ADARB2: variants seen among roughly 807,000 people sequenced by gnomAD.
ADARB2 encodes the protein inactive double-stranded RNA-specific editase B2.
Under a neutral mutation model 62.2 loss-of-function variants are expected in ADARB2, and 25 were observed. That is an observed-to-expected ratio of 0.40 (90% CI 0.29 to 0.56). The LOEUF (loss-of-function observed/expected upper bound fraction) is 0.56. Ranked by LOEUF, ADARB2 falls within the 20% of genes least tolerant of loss-of-function variation. ADARB2 has a pLI of 0.43. For missense variants in ADARB2, 1,071 were observed against 1,077.4 expected (o/e 0.99, Z 0.08); for synonymous variants, 572 against 500.8 (o/e 1.14, Z -1.90).
intron 1 of ADARB2, among the ~76,000 whole-genome samples, chr10:1,390,423 C>T (rs966163169): frequency 1.6e-4 from 24 of 152,082 alleles, no homozygotes; most frequent in African/African-American, 4.3e-4. Flanking sequence ...GTAACATGTG[C>T]GGTTTGTACA....
At chr10:1,618,735 A>T (rs1875003) in intron 1 of ADARB2, among the ~76,000 whole-genome samples, 109,376 of 152,032 alleles carry the variant, frequency 0.72, 39,562 homozygotes, top group African/African-American at 0.81. Context: ...TGACGTGGTA[A>T]TCGACAGTTT....
chr10:1,570,969 C>A lies in ADARB2; in HGVS notation c.100+166082G>T, dbSNP rs565934700. On this transcript the variant is annotated intron_variant, in intron 1 of 9. Coordinates refer to ENST00000381312, the MANE Select transcript of ADARB2 (RefSeq NM_018702.4). The stretch of plus-strand genomic sequence containing the variant: ...ATGGGGAACTCAGGGCAAACACCTG[C>A]TGGGCTTTAGGGTCTCCTGCCTCCC... 2.6e-5 allele frequency among the ~76,000 whole-genome samples: 4 copies of A among 152,282 alleles called. 1 individual carries two copies. In the South Asian group the frequency reaches 8.3e-4, roughly 32 times the overall value.
intron 1 of ADARB2, among the ~76,000 whole-genome samples, chr10:1,452,891 A>G (rs1366182295): frequency 6.6e-6 from 1 of 152,240 alleles, no homozygotes; most frequent in Admixed American, 6.5e-5. Context: ...AGGCAACAGC[A>G]GTGGCTCTCC....
intron 1 of ADARB2, among the ~76,000 whole-genome samples, chr10:1,703,949 G>C (rs756535390): frequency 6.6e-6 from 1 of 152,224 alleles, no homozygotes; most frequent in African/African-American, 2.4e-5. Context: ...TTCAGCCAGG[G>C]GGAAGACCTA....
chr10:1,564,211 C>T (rs1832827660), intron 1 of ADARB2, among the ~76,000 whole-genome samples: 1 of 152,202 alleles, frequency 6.6e-6, no homozygotes, highest in South Asian at 2.1e-4. Context: ...GCCACACTGA[C>T]TTCCACAATG....
intron 4 of ADARB2, among the ~76,000 whole-genome samples, chr10:1,246,801 G>A (rs1428252108): frequency 6.6e-6 from 1 of 151,286 alleles, no homozygotes; most frequent in Non-Finnish European, 1.5e-5. Context: ...TTTTGGCTTA[G>A]GATTGACTTG....
intron 3 of ADARB2, among the ~76,000 whole-genome samples, chr10:1,308,642 C>T (rs752403985): frequency 2.6e-5 from 4 of 152,212 alleles, no homozygotes; most frequent in Non-Finnish European, 5.9e-5. Context: ...TCCTGTTGCT[C>T]CACACCCTCA....
intron 1 of ADARB2, among the ~76,000 whole-genome samples, chr10:1,634,879 C>A (rs1833894399): frequency 6.6e-6 from 1 of 152,194 alleles, no homozygotes; most frequent in Non-Finnish European, 1.5e-5. Flanking sequence ...TAGTTACTTT[C>A]CAGAACAAAC....
chr10:1,613,505 G>A (rs1159750309), intron 1 of ADARB2, among the ~76,000 whole-genome samples: 1 of 152,142 alleles, frequency 6.6e-6, no homozygotes, highest in African/African-American at 2.4e-5. Context: ...TAACTGTGCA[G>A]AGTTTCCAGC....
At chr10:1,547,650 A>C (rs1358048491) in intron 1 of ADARB2, among the ~76,000 whole-genome samples, 1 of 45,424 alleles carries the variant, frequency 2.2e-5, no homozygotes, top group African/African-American at 7.2e-5. Context: ...GGGGAGGGGG[A>C]GAGAGGCTGT....
intron 1 of ADARB2, among the ~76,000 whole-genome samples, chr10:1,485,927 C>A (rs75701096): frequency 6.6e-6 from 1 of 152,220 alleles, no homozygotes; most frequent in South Asian, 2.1e-4. Flanking sequence ...CTCTCCCTCT[C>A]TCTTCTAACT....
chr10:1,418,727 C>T (rs954898660), intron 1 of ADARB2, among the ~76,000 whole-genome samples: 3 of 152,040 alleles, frequency 2.0e-5, no homozygotes, highest in Non-Finnish European at 4.4e-5. Flanking sequence ...TAGTTTTGGG[C>T]CGAGCAACAC....
intron 1 of ADARB2, among the ~76,000 whole-genome samples, chr10:1,544,849 TA>T (rs933937709): frequency 1.3e-5 from 2 of 152,042 alleles, no homozygotes; most frequent in Non-Finnish European, 2.9e-5. Context: ...ATATGTCAAG[TA>T]AACAAAATAC....
chr10:1,266,511 T>TGTGGGGGGGGG (rs1831202942), intron 4 of ADARB2, among the ~76,000 whole-genome samples: 1 of 128,442 alleles, frequency 7.8e-6, no homozygotes, highest in Non-Finnish European at 1.6e-5. Context: ...TGGTGGGGGG[T>TGTGGGGGGGGG]GGGGGGGGGG....
intron 4 of ADARB2, among the ~76,000 whole-genome samples, chr10:1,256,214 G>A (rs796802276): frequency 1.3e-5 from 2 of 152,168 alleles, no homozygotes; most frequent in South Asian, 4.1e-4. Context: ...TCCCTCACTG[G>A]CTCTGCTGTG....
intron 1 of ADARB2, among the ~76,000 whole-genome samples, chr10:1,509,733 A>G (rs564162618): frequency 6.6e-6 from 1 of 152,346 alleles, no homozygotes; most frequent in South Asian, 2.1e-4. Context: ...AAGTGCTCAA[A>G]TCCAAATTAA....
At chr10:1,531,089 C>T (rs569987874) in intron 1 of ADARB2, among the ~76,000 whole-genome samples, 3 of 152,232 alleles carry the variant, frequency 2.0e-5, no homozygotes, top group East Asian at 1.9e-4. Flanking sequence ...TGATAGCTGG[C>T]GATCCACAGC....
At position 1,216,913 on chromosome 10, in the gene ADARB2, C is replaced by T. The variant is rs199850612; in HGVS notation, c.1682+38G>A. On this transcript the variant is annotated intron_variant, in intron 7 of 9. Transcript: ENST00000381312. ...CTGGGGCTTGGCACTCCCCACCGGCCGCAGCCAACATCCTCGAGAGGAAGC... is the reference window on the plus strand; with the variant it reads ...CTGGGGCTTGGCACTCCCCACCGGCTGCAGCCAACATCCTCGAGAGGAAGC... 62 of 1,592,614 alleles carry T rather than the reference C, an allele frequency of 3.9e-5. No homozygotes were observed. In the African/African-American group the frequency reaches 3.9e-4, roughly 10 times the overall value.
At chr10:1,383,103 A>G (rs1832498557) in intron 1 of ADARB2, among the ~76,000 whole-genome samples, 2 of 152,174 alleles carry the variant, frequency 1.3e-5, no homozygotes. Flanking sequence ...AATAAATGGC[A>G]TTTACCTGAA....
Sources: allele counts gnomAD v4.1 joint callset (sites outside exome capture counted in the v4.1 genomes callset), GRCh38; gene constraint gnomAD v4.1.1; transcripts MANE v1.5; gene names NCBI Gene and HGNC (gene_info 2026-07-23, HGNC 2026-07-21).